Variants in CADM2 observed in about 807,000 individuals in gnomAD.
The protein encoded by CADM2 is immunoglobulin superfamily member 4D.
In CADM2, 12 loss-of-function variants were observed where a neutral mutation model predicts 49.8. The ratio of observed to expected loss-of-function variants is 0.24; its 90% CI spans 0.15 to 0.39. The LOEUF (loss-of-function observed/expected upper bound fraction) is 0.39. CADM2 is among the 10% of genes least tolerant of loss of function. The pLI is 1.00. For synonymous variants in CADM2, 214 were observed against 175.4 expected (o/e 1.22, Z -1.74); for missense variants, 378 against 492.3 (o/e 0.77, Z 2.20).
chr3:85,539,225 T>C (rs17457377), intron 1 of CADM2, among the ~76,000 whole-genome samples: 1 of 151,630 alleles, frequency 6.6e-6, no homozygotes, highest in Non-Finnish European at 1.5e-5. Flanking sequence ...GACTGACACA[T>C]AAGGCTGTAA....
At chr3:85,082,184 G>A (rs1013847926) in intron 1 of CADM2, among the ~76,000 whole-genome samples, 14 of 152,002 alleles carry the variant, frequency 9.2e-5, no homozygotes, top group African/African-American at 2.4e-4. Context: ...TATATACATC[G>A]AAACTAGGAT....
At chr3:85,678,127 G>T (rs776899876) in intron 1 of CADM2, among the ~76,000 whole-genome samples, 9 of 152,170 alleles carry the variant, frequency 5.9e-5, no homozygotes, top group Non-Finnish European at 7.3e-5. Flanking sequence ...AAATCAGGTG[G>T]CTGAGAGATC....
intron 1 of CADM2, among the ~76,000 whole-genome samples, chr3:85,343,385 A>AG (rs2030156391): frequency 6.6e-6 from 1 of 152,148 alleles, no homozygotes; most frequent in Non-Finnish European, 1.5e-5. Flanking sequence ...TTGGATCCAA[A>AG]TATCTCTCGC....
intron 1 of CADM2, among the ~76,000 whole-genome samples, chr3:85,467,099 T>C (rs994657971): frequency 2.0e-5 from 3 of 152,182 alleles, no homozygotes; most frequent in African/African-American, 7.2e-5. Context: ...CTACCCTATG[T>C]TGACTACAAG....
intron 1 of CADM2, among the ~76,000 whole-genome samples, chr3:85,161,085 T>G (rs1017451567): frequency 6.6e-6 from 1 of 152,228 alleles, no homozygotes; most frequent in Admixed American, 6.5e-5. Flanking sequence ...GGTCACATTC[T>G]ATTATATAAA....
chr3:85,161,376 T>C (rs1482691571), intron 1 of CADM2, among the ~76,000 whole-genome samples: 1 of 152,140 alleles, frequency 6.6e-6, no homozygotes, highest in African/African-American at 2.4e-5. Flanking sequence ...CTCCTGTTTC[T>C]GTATGCCAGA....
At chr3:85,061,516 A>T (rs375854501) in intron 1 of CADM2, among the ~76,000 whole-genome samples, 75 of 152,302 alleles carry the variant, frequency 4.9e-4, no homozygotes, top group African/African-American at 1.8e-3. Context: ...ACATTTCAAC[A>T]TCGGGAGTAT....
intron 1 of CADM2, among the ~76,000 whole-genome samples, chr3:85,253,161 ATATT>A (rs1194664807): frequency 6.6e-6 from 1 of 152,088 alleles, no homozygotes; most frequent in Non-Finnish European, 1.5e-5. Context: ...TACTGGCAGA[ATATT>A]TAGTTTTCAC....
At chr3:85,716,945 G>A (rs912322138) in intron 1 of CADM2, among the ~76,000 whole-genome samples, 1 of 152,076 alleles carries the variant, frequency 6.6e-6, no homozygotes, top group African/African-American at 2.4e-5. Context: ...CTCCAGCTTT[G>A]TTCTTTTTGA....
chr3:85,478,905 G>A (rs1160849486), intron 1 of CADM2, among the ~76,000 whole-genome samples: 1 of 151,804 alleles, frequency 6.6e-6, no homozygotes, highest in African/African-American at 2.4e-5. Flanking sequence ...TTACTCCTTT[G>A]ATGACTTCCA....
At chr3:85,363,893 G>A (rs1333848936) in intron 1 of CADM2, among the ~76,000 whole-genome samples, 1 of 151,386 alleles carries the variant, frequency 6.6e-6, no homozygotes, top group African/African-American at 2.4e-5. Flanking sequence ...TTACAGGCGT[G>A]AGCCACCGCG....
At chr3:86,054,408 T>C (rs1358218116) in intron 8 of CADM2, among the ~76,000 whole-genome samples, 1 of 152,104 alleles carries the variant, frequency 6.6e-6, no homozygotes, top group African/African-American at 2.4e-5. Flanking sequence ...TGTTTAAAAA[T>C]ATATTTTAGT....
At chr3:85,095,274 A>G (rs920576742) in intron 1 of CADM2, among the ~76,000 whole-genome samples, 4 of 152,108 alleles carry the variant, frequency 2.6e-5, no homozygotes, top group Non-Finnish European at 5.9e-5. Context: ...AATTAATGGG[A>G]CTCTAGGAGA....
intron 3 of CADM2, among the ~76,000 whole-genome samples, chr3:85,863,650 G>T (rs944200910): frequency 1.3e-5 from 2 of 152,128 alleles, no homozygotes; most frequent in Non-Finnish European, 2.9e-5. Flanking sequence ...CCAGTACCAT[G>T]AGCCAAATAC....
chr3:85,810,132 C>A (rs1376160664), intron 3 of CADM2, among the ~76,000 whole-genome samples: 1 of 151,980 alleles, frequency 6.6e-6, no homozygotes, highest in Non-Finnish European at 1.5e-5. Context: ...ATAAAATTAA[C>A]TAAAGTTACA....
At chr3:84,997,759 C>T (rs2033254571) in intron 1 of CADM2, among the ~76,000 whole-genome samples, 1 of 151,812 alleles carries the variant, frequency 6.6e-6, no homozygotes, top group South Asian at 2.1e-4. Flanking sequence ...AAAACAAAAA[C>T]CCACATGGTT....
At chr3:85,399,343 T>C (rs9863620) in intron 1 of CADM2, among the ~76,000 whole-genome samples, 38,035 of 152,006 alleles carry the variant, frequency 0.25, 4,937 homozygotes, top group South Asian at 0.34. Flanking sequence ...GTTCCATTGG[T>C]CTATATCTCT....
intron 6 of CADM2, among the ~76,000 whole-genome samples, chr3:85,916,525 T>C (rs1408339449): frequency 1.3e-5 from 2 of 151,944 alleles, no homozygotes; most frequent in Non-Finnish European, 2.9e-5. Context: ...GGCTGCATAG[T>C]ATTCCATGGT....
intron 7 of CADM2, among the ~76,000 whole-genome samples, chr3:85,936,452 T>C (rs1340561622): frequency 2.0e-5 from 3 of 151,832 alleles, no homozygotes; most frequent in African/African-American, 7.2e-5. Context: ...AGTCAAGGAA[T>C]ACCAATTATT....
Sources: gnomAD v4.1 joint callset for allele counts (sites outside exome capture counted in the v4.1 genomes callset) on GRCh38, gnomAD v4.1.1 for gene constraint, MANE v1.5 for transcripts, NCBI Gene and HGNC (gene_info 2026-07-23, HGNC 2026-07-21) for gene names.